Variants in MYPN observed in about 807,000 individuals in gnomAD.
MYPN encodes sarcomeric protein myopalladin, 145 kDa (MYOP).
Under a neutral mutation model 129.4 loss-of-function variants are expected in MYPN, and 63 were observed. The ratio of observed to expected loss-of-function variants is 0.49; its 90% CI spans 0.40 to 0.60. MYPN has a LOEUF of 0.60. Ranked by LOEUF, MYPN falls within the 20% of genes least tolerant of loss-of-function variation. The probability of loss-of-function intolerance (pLI) is 0.00; values close to 1 mark genes in which losing one functional copy is unlikely to be tolerated. For synonymous variants in MYPN, 629 were observed against 600.9 expected (o/e 1.05, Z -0.68); for missense variants, 1,596 against 1,635.4 (o/e 0.98, Z 0.42).
At chr10:68,183,815 G>A (rs759873691) in intron 12 of MYPN, among the ~76,000 whole-genome samples, 2 of 152,178 alleles carry the variant, frequency 1.3e-5, no homozygotes, top group Non-Finnish European at 2.9e-5. Flanking sequence ...CTTGAGCCCA[G>A]TTCAAGACCA....
At chr10:68,135,490 G>T in intron 2 of MYPN, 2 of 984,964 alleles carry the variant, frequency 2.0e-6, no homozygotes, top group Non-Finnish European at 2.4e-6. Flanking sequence ...GAGTTACTCT[G>T]ATGCTTGGAG....
intron 12 of MYPN, among the ~76,000 whole-genome samples, chr10:68,179,885 C>T (rs2043287809): frequency 6.6e-6 from 1 of 152,124 alleles, no homozygotes; most frequent in Admixed American, 6.6e-5. Context: ...CTTTTAAAAA[C>T]ACACAGAAAT....
intron 1 of MYPN, among the ~76,000 whole-genome samples, chr10:68,121,185 G>A (rs1168643909): frequency 6.6e-6 from 1 of 152,176 alleles, no homozygotes; most frequent in Non-Finnish European, 1.5e-5. Context: ...GGGTGAGGTG[G>A]GAGGATTGCT....
intron 8 of MYPN, among the ~76,000 whole-genome samples, chr10:68,162,490 G>T (rs537115189): frequency 6.6e-6 from 1 of 152,302 alleles, no homozygotes; most frequent in African/African-American, 2.4e-5. Flanking sequence ...ATTAGATTTG[G>T]TTGGGAGGAT....
chr10:68,112,857 A>G (rs1440060927), intron 1 of MYPN, among the ~76,000 whole-genome samples: 1 of 152,200 alleles, frequency 6.6e-6, no homozygotes, highest in African/African-American at 2.4e-5. Context: ...TGGATATTGT[A>G]ATAGTGTACC....
chr10:68,106,335 AGTT>A (rs1479235333), upstream of MYPN, among the ~76,000 whole-genome samples: 4 of 151,598 alleles, frequency 2.6e-5, no homozygotes, highest in African/African-American at 9.7e-5. Flanking sequence ...CATTTTCAGT[AGTT>A]TAGATGAAAA....
At chr10:68,159,109 G>T (rs547240925) in intron 7 of MYPN, among the ~76,000 whole-genome samples, 14 of 152,092 alleles carry the variant, frequency 9.2e-5, no homozygotes, top group African/African-American at 3.4e-4. Flanking sequence ...CTTTTTTAAG[G>T]CTTTTAAAAT....
chr10:68,187,082 C>A (rs547293570), intron 12 of MYPN, among the ~76,000 whole-genome samples: 1 of 152,098 alleles, frequency 6.6e-6, no homozygotes, highest in East Asian at 1.9e-4. Flanking sequence ...TTAAGAGTAA[C>A]CATTCAGGGC....
At position 68,175,429 on chromosome 10, in the gene MYPN, A is replaced by T; in HGVS notation, c.2671A>T (p.Ile891Leu). Residue 891 changes from isoleucine to leucine, a missense_variant, in exon 12 of 20, where the codon ATA becomes TTA. Ile to Leu is a conservative substitution (Grantham distance 5, BLOSUM62 2). Coordinates refer to ENST00000358913, the MANE Select transcript of MYPN (RefSeq NM_032578.4). ...NAVIRDLGKK[I>L]TFSDVRPNQQ... Reference sequence around the variant, plus strand: ...AGTGATTCGAGACTTGGGGAAAAAAATAACTTTCAGTGATGTCAGACCAAA... The same window carrying T: ...AGTGATTCGAGACTTGGGGAAAAAATTAACTTTCAGTGATGTCAGACCAAA... 1 of 1,614,204 alleles carries T rather than the reference A, an allele frequency of 6.2e-7. No homozygotes were observed. Among genetic ancestry groups the T allele is most frequent in the Non-Finnish European group, 8.5e-7 (1 of 1,180,012 alleles).
At chr10:68,197,501 A>T in intron 16 of MYPN, 23 bp downstream of exon 16, 1 of 1,611,764 alleles carries the variant, frequency 6.2e-7, no homozygotes, top group Non-Finnish European at 8.5e-7. Flanking sequence ...ACCCATGCTT[A>T]GTTCCAGATC....
At chr10:68,161,646 GAAATTCTAT>G in intron 7 of MYPN, 74 bp from the exon 8 acceptor site, 1 of 1,123,578 alleles carries the variant, frequency 8.9e-7, no homozygotes, top group Non-Finnish European at 1.3e-6. Context: ...AAGAGACTGT[GAAATTCTAT>G]AGGAAGCTTC....
chr10:68,143,048 A>G lies in MYPN; in HGVS notation c.1011A>G (p.Gly337=). The change falls in exon 3 of 20, where the codon GGA becomes GGG. Residue 337 remains glycine (G), a synonymous_variant. Coordinates refer to ENST00000358913, the MANE Select transcript of MYPN (RefSeq NM_032578.4). ...CGGAAGCCTTTGAAGAGGACACAGG[A>G]CGCTATTCCTGCTTTGCTTCTAACA... ...TIAEAFEEDT[G]RYSCFASNIY... is the part of the protein sequence containing the mutation. 4 of 1,614,146 alleles carry G rather than the reference A, an allele frequency of 2.5e-6. No individual in the cohort carries two copies. The highest frequency in any genetic ancestry group is 3.4e-6 in the Non-Finnish European group (4 of 1,180,006).
intron 5 of MYPN, among the ~76,000 whole-genome samples, chr10:68,149,426 A>G (rs2042727259): frequency 1.3e-5 from 2 of 151,788 alleles, no homozygotes; most frequent in Non-Finnish European, 2.9e-5. Context: ...ATAACATGTT[A>G]TTGATGTATT....
intron 7 of MYPN, 152 bp downstream of exon 7, chr10:68,158,779 A>T (rs2042924680): frequency 8.2e-6 from 5 of 606,858 alleles, no homozygotes; most frequent in Non-Finnish European, 1.4e-5. Context: ...ATTTCAGTAT[A>T]TGTTCTCCAA....
intron 7 of MYPN, 44 bp downstream of exon 7, chr10:68,158,671 GA>G (rs770010408): frequency 5.0e-6 from 7 of 1,394,924 alleles, no homozygotes; most frequent in African/African-American, 1.5e-5. Context: ...TTGTTTTTAT[GA>G]ACTTATTGTA....
At chr10:68,094,493 C>T (rs1243413488) in intron 1 of MYPN, among the ~76,000 whole-genome samples, 1 of 151,948 alleles carries the variant, frequency 6.6e-6, no homozygotes, top group Non-Finnish European at 1.5e-5. Flanking sequence ...AACTCCTGAC[C>T]TCAGGTGATC....
chr10:68,187,096 G>A (rs2134250277), intron 12 of MYPN, among the ~76,000 whole-genome samples: 1 of 152,224 alleles, frequency 6.6e-6, no homozygotes, highest in South Asian at 2.1e-4. Flanking sequence ...TCAGGGCTGG[G>A]CATGGTGGCT....
intron 6 of MYPN, among the ~76,000 whole-genome samples, chr10:68,150,350 T>C (rs1267781283): frequency 2.6e-5 from 4 of 152,212 alleles, no homozygotes; most frequent in Admixed American, 6.5e-5. Context: ...GTGGCCATTA[T>C]ACAACTGTTC....
At chr10:68,182,817 A>G (rs986906104) in intron 12 of MYPN, among the ~76,000 whole-genome samples, 7 of 152,192 alleles carry the variant, frequency 4.6e-5, no homozygotes, top group South Asian at 4.1e-4. Flanking sequence ...CTCTAATAGT[A>G]TATTTTTAAA....
Sources: allele counts gnomAD v4.1 joint callset (sites outside exome capture counted in the v4.1 genomes callset), GRCh38; gene constraint gnomAD v4.1.1; transcripts MANE v1.5; gene names NCBI Gene and HGNC (gene_info 2026-07-23, HGNC 2026-07-21).